The following ATXN8OS variants were observed in gnomAD, a reference collection of about 807,000 sequenced individuals.
The protein encoded by ATXN8OS is ATXN8 opposite strand (non-protein coding).
intron 4 of ATXN8OS, among the ~76,000 whole-genome samples, chr13:70,154,484 G>A (rs1376965322): frequency 6.6e-6 from 1 of 152,154 alleles, no homozygotes; most frequent in Non-Finnish European, 1.5e-5. Context: ...GAATAATAAA[G>A]TGCTGAATGG....
rs1888499709 is a variant in ATXN8OS at position 70,129,678 on chromosome 13, CTTA to C, written n.399-104_399-102del. On this transcript the variant is annotated intron_variant and non_coding_transcript_variant, in intron 2 of 4. Transcript: ENST00000678624. ...TGTTTAAAGTTCATTTAGAAATGTT[CTTA>C]TAAGTAGAATTACTTCAACCATCTG... 1.0e-5 allele frequency: 4 copies of C among 396,464 alleles called. No individual in the cohort carries two copies. The Middle Eastern group carries it at 1.9e-3, about 186-fold the overall frequency. The allele number at this position is 396,464 out of a possible 1,614,324, so 24.6% of individuals were successfully genotyped here. A position where few individuals can be genotyped will look rare whatever the true frequency, so the allele number is the denominator to read the frequency against.
rs770778404 is a variant in ATXN8OS, at chr13:70,122,202, AATT to A, written n.398+6905_398+6907del. ...GAGTGCAACTGACATGTGTCCCAGA[AATT>A]GTACCTGGGAAAACTCAAAAATTTT... On this transcript the variant is annotated intron_variant and non_coding_transcript_variant, in intron 2 of 4. Transcript: ENST00000678624. 5.3e-5 allele frequency among the ~76,000 whole-genome samples: 8 copies of A among 151,978 alleles called. No homozygotes were observed. The South Asian group carries it at 1.0e-3, about 20-fold the overall frequency.
intron 2 of ATXN8OS, among the ~76,000 whole-genome samples, chr13:70,128,402 T>C (rs1593762329): frequency 6.6e-6 from 1 of 152,294 alleles, no homozygotes; most frequent in Non-Finnish European, 1.5e-5. Flanking sequence ...TCATTTTCTT[T>C]CTTCACTTAA....
chr13:70,109,686 A>ATTTTTTGTTTG (rs1486761152), intron 1 of ATXN8OS, among the ~76,000 whole-genome samples: 1 of 152,126 alleles, frequency 6.6e-6, no homozygotes, highest in African/African-American at 2.4e-5. Context: ...GTATTCAGTG[A>ATTTTTTGTTTG]TTTTTTGTTT....
chr13:70,128,497 C>A (rs1373939608), intron 2 of ATXN8OS, among the ~76,000 whole-genome samples: 1 of 151,562 alleles, frequency 6.6e-6, no homozygotes. Flanking sequence ...AAACACCTTA[C>A]TTTAGAGGTA....
chr13:70,158,278 C>T (rs949613676), intron 4 of ATXN8OS, among the ~76,000 whole-genome samples: 3 of 152,040 alleles, frequency 2.0e-5, no homozygotes. Context: ...ATTAGCCAGG[C>T]GTGGTGGCCC....
intron 1 of ATXN8OS, among the ~76,000 whole-genome samples, chr13:70,111,499 C>T (rs1207559090): frequency 1.3e-5 from 2 of 152,116 alleles, no homozygotes; most frequent in Non-Finnish European, 2.9e-5. Flanking sequence ...TATAAAGCCA[C>T]TAATCCCACT....
intron 3 of ATXN8OS, chr13:70,139,429 C>CTGCTGCTGCTGCTGCTG (rs1374068998): frequency 1.3e-6 from 1 of 769,752 alleles, no homozygotes; most frequent in African/African-American, 1.7e-5. Context: ...GCTGCTGCTG[C>CTGCTGCTGCTGCTGCTG]ATTTTTTAAA....
chr13:70,117,064 T>A (rs1888289520), intron 2 of ATXN8OS, among the ~76,000 whole-genome samples: 2 of 152,072 alleles, frequency 1.3e-5, no homozygotes, highest in African/African-American at 4.8e-5. Context: ...TTACCCTGAT[T>A]TACAAAAGAG....
At chr13:70,159,200 A>G (rs866592340) in intron 4 of ATXN8OS, among the ~76,000 whole-genome samples, 9 of 58,492 alleles carry the variant, frequency 1.5e-4, no homozygotes, top group Non-Finnish European at 2.4e-4. Flanking sequence ...TCTCTCTCTC[A>G]CTTTTTATTA....
chr13:70,162,902 A>C (rs1314408109), intron 4 of ATXN8OS, among the ~76,000 whole-genome samples: 1 of 152,078 alleles, frequency 6.6e-6, no homozygotes, highest in Non-Finnish European at 1.5e-5. Context: ...CATGAACTAA[A>C]GGCAACTTTA....
chr13:70,124,347 G>C (rs1888399471), intron 2 of ATXN8OS, among the ~76,000 whole-genome samples: 2 of 152,070 alleles, frequency 1.3e-5, no homozygotes, highest in Non-Finnish European at 2.9e-5. Context: ...AATGTCACGA[G>C]GTTGTGTGCA....
chr13:70,162,676 G>A (rs1050614024), intron 4 of ATXN8OS, among the ~76,000 whole-genome samples: 1 of 151,952 alleles, frequency 6.6e-6, no homozygotes, highest in African/African-American at 2.4e-5. Context: ...CAAAATATTA[G>A]GCCTCACAAT....
At chr13:70,159,406 G>A (rs994340057) in intron 4 of ATXN8OS, among the ~76,000 whole-genome samples, 2 of 151,978 alleles carry the variant, frequency 1.3e-5, no homozygotes, top group Admixed American at 1.3e-4. Context: ...TACAGAAGTA[G>A]TACTACTAGA....
At chr13:70,155,055 C>T (rs907417168) in intron 4 of ATXN8OS, among the ~76,000 whole-genome samples, 6 of 152,156 alleles carry the variant, frequency 3.9e-5, no homozygotes, top group African/African-American at 9.7e-5. Context: ...GTCTTTGTTC[C>T]GGGCGCAGTC....
chr13:70,134,221 A>T (rs1316379796), intron 3 of ATXN8OS, among the ~76,000 whole-genome samples: 1 of 152,212 alleles, frequency 6.6e-6, no homozygotes, highest in Non-Finnish European at 1.5e-5. Flanking sequence ...ATTACAAAAC[A>T]TAGAAGACAT....
intron 3 of ATXN8OS, among the ~76,000 whole-genome samples, chr13:70,142,508 A>G (rs944335960): frequency 6.6e-6 from 1 of 152,142 alleles, no homozygotes; most frequent in Non-Finnish European, 1.5e-5. Flanking sequence ...ATTGTGTAGT[A>G]TGATGTTTGT....
At chr13:70,125,531 T>A (rs930010390) in intron 2 of ATXN8OS, among the ~76,000 whole-genome samples, 5 of 152,172 alleles carry the variant, frequency 3.3e-5, no homozygotes, top group African/African-American at 1.2e-4. Flanking sequence ...TTTGTTCGAA[T>A]TGACACTCAC....
chr13:70,132,396 C>T (rs1012529066), intron 3 of ATXN8OS, among the ~76,000 whole-genome samples: 10 of 149,978 alleles, frequency 6.7e-5, no homozygotes, highest in African/African-American at 2.5e-4. Context: ...CCAAATACTG[C>T]TTATAAGGGA....
Sources: gnomAD v4.1 joint callset for allele counts (sites outside exome capture counted in the v4.1 genomes callset) on GRCh38, gnomAD v4.1.1 for gene constraint, MANE v1.5 for transcripts, NCBI Gene and HGNC (gene_info 2026-07-23, HGNC 2026-07-21) for gene names.